The following DGKB variants were observed in gnomAD, a reference collection of about 807,000 sequenced individuals.
DGKB encodes diacylglycerol kinase beta.
A neutral mutation model predicts 114.3 loss-of-function variants in DGKB; 67 were observed. The ratio of observed to expected loss-of-function variants is 0.59; its 90% CI spans 0.48 to 0.72. The LOEUF (loss-of-function observed/expected upper bound fraction) is 0.72, where lower values mean the gene tolerates loss of function less well. DGKB is among the 30% of genes least tolerant of loss of function. DGKB has a pLI of 0.00. For missense variants in DGKB, 907 were observed against 975.2 expected, an observed-to-expected ratio of 0.93 and a Z score of 0.93; for synonymous variants, 398 against 323.1, an observed-to-expected ratio of 1.23 and a Z score of -2.49.
intron 1 of DGKB, among the ~76,000 whole-genome samples, chr7:14,950,045 T>C (rs1225702415): frequency 6.6e-6 from 1 of 151,774 alleles, no homozygotes; most frequent in Non-Finnish European, 1.5e-5. Context: ...GGCACACGTA[T>C]ACATATGTAA....
chr7:14,547,673 G>C (rs192312798), intron 20 of DGKB, among the ~76,000 whole-genome samples: 7 of 152,054 alleles, frequency 4.6e-5, no homozygotes, highest in Non-Finnish European at 8.8e-5. Flanking sequence ...CAAGAGTGTA[G>C]AACTTTTTTT....
chr7:14,347,662 G>C (rs1173908326), intron 21 of DGKB, among the ~76,000 whole-genome samples: 2 of 151,982 alleles, frequency 1.3e-5, no homozygotes, highest in Non-Finnish European at 2.9e-5. Flanking sequence ...CAAACTTACA[G>C]TTATAAGATA....
At chr7:14,973,635 A>G (rs1587486807) in intron 1 of DGKB, among the ~76,000 whole-genome samples, 1 of 147,816 alleles carries the variant, frequency 6.8e-6, no homozygotes, top group East Asian at 2.0e-4. Flanking sequence ...TGTCTCTAGC[A>G]CCAAATTATG....
At chr7:14,396,902 G>T (rs1467282077) in intron 21 of DGKB, among the ~76,000 whole-genome samples, 1 of 152,130 alleles carries the variant, frequency 6.6e-6, no homozygotes, top group Non-Finnish European at 1.5e-5. Flanking sequence ...TAATTCAGAG[G>T]AAGACGAATT....
intron 1 of DGKB, among the ~76,000 whole-genome samples, chr7:14,889,799 C>G (rs1305259368): frequency 2.0e-5 from 3 of 151,464 alleles, no homozygotes; most frequent in African/African-American, 4.8e-5. Flanking sequence ...GGAATCTGAA[C>G]AGCATAAGAT....
chr7:14,373,152 T>A (rs2128658809), intron 21 of DGKB, among the ~76,000 whole-genome samples: 1 of 152,310 alleles, frequency 6.6e-6, no homozygotes, highest in African/African-American at 2.4e-5. Flanking sequence ...CTTGGACCCT[T>A]GAATAAATAC....
At chr7:14,198,511 C>T (rs1785345197) in intron 23 of DGKB, among the ~76,000 whole-genome samples, 2 of 152,012 alleles carry the variant, frequency 1.3e-5, no homozygotes, top group Admixed American at 6.6e-5. Flanking sequence ...TGGGAGATAC[C>T]TGCACACATA....
intron 20 of DGKB, among the ~76,000 whole-genome samples, chr7:14,542,713 A>C (rs4719410): frequency 2.0e-5 from 3 of 151,920 alleles, no homozygotes; most frequent in Non-Finnish European, 4.4e-5. Flanking sequence ...GGGTTTCAAG[A>C]AGGAATATCT....
chr7:14,740,801 G>C (rs757613479), intron 4 of DGKB, among the ~76,000 whole-genome samples: 3 of 152,120 alleles, frequency 2.0e-5, no homozygotes, highest in Non-Finnish European at 4.4e-5. Context: ...CACCCCCTAG[G>C]CCCAACTGTT....
upstream of DGKB, among the ~76,000 whole-genome samples, chr7:14,907,928 C>T (rs112940697): frequency 1.3e-5 from 2 of 152,294 alleles, no homozygotes; most frequent in East Asian, 1.9e-4. Context: ...AATTAAGGAA[C>T]CACAGAAAAT....
At position 14,389,911 on chromosome 7, in the gene DGKB, T is replaced by G. The variant is rs572290160; in HGVS notation, c.1836-44520A>C. ...CTCTCTGTTGTACATTTAAATGGACTACATCCATCAGCAGCCCTTGTTAAA... is the reference window on the plus strand; with the variant it reads ...CTCTCTGTTGTACATTTAAATGGACGACATCCATCAGCAGCCCTTGTTAAA... On this transcript the variant is annotated intron_variant, in intron 21 of 25. Transcript: ENST00000402815. Among the ~76,000 whole-genome samples, 59 of 152,302 alleles carry G rather than the reference T, an allele frequency of 3.9e-4. 1 individual carries two copies. Among genetic ancestry groups the G allele is most frequent in the Middle Eastern group, 3.4e-3 (1 of 294 alleles).
intron 2 of DGKB, among the ~76,000 whole-genome samples, chr7:14,789,907 C>T (rs1051637958): frequency 6.6e-6 from 1 of 152,096 alleles, no homozygotes. Flanking sequence ...GAATTCCCAC[C>T]AGCAGAGGAT....
chr7:14,970,571 A>G (rs913456652), intron 1 of DGKB, among the ~76,000 whole-genome samples: 1 of 152,172 alleles, frequency 6.6e-6, no homozygotes, highest in African/African-American at 2.4e-5. Flanking sequence ...ATAAATAAAT[A>G]AACCAGAGGA....
intron 13 of DGKB, among the ~76,000 whole-genome samples, chr7:14,660,118 T>C (rs1816725115): frequency 6.6e-6 from 1 of 151,524 alleles, no homozygotes; most frequent in Non-Finnish European, 1.5e-5. Context: ...TTTGATGTGC[T>C]GCTGGATTTG....
At chr7:14,812,472 T>C (rs1393151188) in intron 2 of DGKB, among the ~76,000 whole-genome samples, 2 of 152,156 alleles carry the variant, frequency 1.3e-5, no homozygotes, top group Non-Finnish European at 1.5e-5. Context: ...CACGTGGACA[T>C]TTAAATTTTT....
At chr7:14,620,095 T>A (rs1205397625) in intron 15 of DGKB, among the ~76,000 whole-genome samples, 2 of 151,586 alleles carry the variant, frequency 1.3e-5, no homozygotes, top group African/African-American at 4.8e-5. Flanking sequence ...ATTTTTTTGC[T>A]AATAAAATTG....
intron 25 of DGKB, among the ~76,000 whole-genome samples, chr7:14,155,537 G>T (rs1782884679): frequency 6.6e-6 from 1 of 152,026 alleles, no homozygotes; most frequent in South Asian, 2.1e-4. Flanking sequence ...AGAGATTAGG[G>T]GCTGGTGCCA....
chr7:14,719,606 G>A (rs1828812190), intron 5 of DGKB, among the ~76,000 whole-genome samples: 1 of 151,528 alleles, frequency 6.6e-6, no homozygotes, highest in African/African-American at 2.4e-5. Flanking sequence ...GGAATAATTT[G>A]AACCAAACAC....
At chr7:14,161,421 C>T (rs932209833) in intron 25 of DGKB, among the ~76,000 whole-genome samples, 21 of 152,092 alleles carry the variant, frequency 1.4e-4, no homozygotes, top group Admixed American at 1.3e-4. Context: ...CACACATGCC[C>T]GTCAATGATA....
Sources: gnomAD v4.1 joint callset for allele counts (sites outside exome capture counted in the v4.1 genomes callset) on GRCh38, gnomAD v4.1.1 for gene constraint, MANE v1.5 for transcripts, NCBI Gene and HGNC (gene_info 2026-07-23, HGNC 2026-07-21) for gene names.